Variants in FRY observed in about 807,000 individuals in gnomAD.
FRY encodes FRY microtubule binding protein, also known as protein furry homolog.
FRY carries 128 observed loss-of-function variants against 348.4 expected under a neutral mutation model. The ratio of observed to expected loss-of-function variants is 0.37; its 90% CI spans 0.32 to 0.43. The LOEUF is 0.43. Among genes scored for constraint, FRY ranks in the 20% least tolerant of loss-of-function variants. FRY has a pLI of 1.00. For missense variants in FRY, 2,736 were observed against 3,695.2 expected (o/e 0.74, Z 6.73); for synonymous variants, 1,370 against 1,374.7 (o/e 1.00, Z 0.08).
Position 32,171,258 on chromosome 13 carries a change from C to T in FRY, c.2139C>T (p.Ile713=). ...QGKVYEQANK[I]RNSELIANGS... ...AAGTCTATGAACAAGCCAACAAAAT[C>T]AGAAATTCAGAGGTGATTTTCACAC... Residue 713 remains isoleucine (I), a synonymous_variant, in exon 18 of 61, where the codon ATC becomes ATT. Transcript: ENST00000542859. 11 of 1,553,078 alleles carry T rather than the reference C, an allele frequency of 7.1e-6. No individual in the cohort carries two copies. Among genetic ancestry groups the T allele is most frequent in the Non-Finnish European group, 9.7e-6 (11 of 1,137,568 alleles).
intron 31 of FRY, among the ~76,000 whole-genome samples, chr13:32,203,922 C>A (rs904677509): frequency 3.3e-5 from 5 of 152,192 alleles, no homozygotes; most frequent in African/African-American, 4.8e-5. Flanking sequence ...GGCAGTCCAT[C>A]CACTATGCAA....
intron 28 of FRY, among the ~76,000 whole-genome samples, chr13:32,192,322 G>A (rs779608495): frequency 8.0e-5 from 12 of 149,320 alleles, no homozygotes; most frequent in Non-Finnish European, 1.2e-4. Flanking sequence ...TTTTTGAGAC[G>A]GAGTCTCGCT....
chr13:32,225,342 T>C (rs901912218), intron 38 of FRY, among the ~76,000 whole-genome samples: 30 of 152,298 alleles, frequency 2.0e-4, no homozygotes, highest in African/African-American at 6.7e-4. Flanking sequence ...TTTTAAGCTA[T>C]GAGGCATAGT....
intron 13 of FRY, among the ~76,000 whole-genome samples, chr13:32,149,516 C>A (rs939220296): frequency 2.0e-5 from 3 of 151,888 alleles, no homozygotes; most frequent in Non-Finnish European, 4.4e-5. Flanking sequence ...AGGCCAATTA[C>A]ATATTTTGTA....
At chr13:32,282,957 A>C (rs1340082705) in intron 58 of FRY, among the ~76,000 whole-genome samples, 1 of 152,152 alleles carries the variant, frequency 6.6e-6, no homozygotes, top group Non-Finnish European at 1.5e-5. Flanking sequence ...CCTGGACAAC[A>C]TGGTGAAATA....
intron 54 of FRY, among the ~76,000 whole-genome samples, chr13:32,266,759 G>A (rs1331413369): frequency 6.6e-6 from 1 of 152,172 alleles, no homozygotes; most frequent in Non-Finnish European, 1.5e-5. Context: ...CGAACTGGGT[G>A]GATCACTTGA....
At chr13:32,031,987 T>C in intron 1 of FRY, 122 bp downstream of exon 1, 2 of 624,236 alleles carry the variant, frequency 3.2e-6, no homozygotes. Context: ...TTTTTTTCTT[T>C]TCTTTTCTTT....
chr13:32,197,286 A>G (rs1009032570), intron 29 of FRY, among the ~76,000 whole-genome samples: 5 of 152,218 alleles, frequency 3.3e-5, no homozygotes, highest in African/African-American at 1.2e-4. Flanking sequence ...AATTTAAGTC[A>G]GGCCTAGCAA....
chr13:32,078,839 C>T lies in FRY; in HGVS notation c.76C>T (p.Pro26Ser). Residue 26 changes from proline (P) to serine (S), a missense_variant, in exon 2 of 61, where the codon CCC becomes TCC. Physicochemically the swap from Pro to Ser is moderately conservative, Grantham distance 74. This residue lies in a region of FRY where 309 missense variants were observed against 418.1 expected (regional missense o/e 0.74). Transcript: ENST00000542859. ...ATGCCCATTCTGTTTTTCAGCTTCTCCCGTTGGCAACGGTTACATCAAGCC... is the reference window on the plus strand; with the variant it reads ...ATGCCCATTCTGTTTTTCAGCTTCTTCCGTTGGCAACGGTTACATCAAGCC... ...YLLKSWSNTS[P>S]VGNGYIKPPV... is the part of the protein sequence containing the mutation. The T allele has an allele frequency of 6.2e-7, 1 of 1,613,644 alleles. No individual in the cohort carries two copies.
rs180684467 is a variant in FRY, at chr13:32,050,862, C to T, written c.70+18997C>T. On this transcript the variant is annotated intron_variant, in intron 1 of 60. Coordinates refer to ENST00000542859, the MANE Select transcript of FRY (RefSeq NM_023037.3). ...ATGAAACAACAGGTTGTAAACCTTA[C>T]ACCTGTACTATCTTGTGCACTCTCA... Among the ~76,000 whole-genome samples the T allele has an allele frequency of 1.9e-4, 29 of 152,330 alleles. No homozygotes were observed. In the East Asian group the frequency reaches 5.6e-3, roughly 29 times the overall value.
intron 1 of FRY, among the ~76,000 whole-genome samples, chr13:32,068,581 A>T (rs191606015): frequency 6.6e-6 from 1 of 152,252 alleles, no homozygotes; most frequent in African/African-American, 2.4e-5. Context: ...TGTTACTGTC[A>T]TATCTCTCAG....
Position 32,251,926 on chromosome 13 carries a change from G to A in FRY, c.7219G>A (p.Glu2407Lys). 1 of 1,612,732 alleles carries A rather than the reference G, an allele frequency of 6.2e-7. No individual in the cohort carries two copies. Among genetic ancestry groups the A allele is most frequent in the Non-Finnish European group, 8.5e-7 (1 of 1,178,736 alleles). ...ACATGTCCTTTCTCTGTGTGGCCAA[G>A]AAGTAGGATTGAGCAAAAATCCATC... ...LVHVLSLCGQ[E>K]VGLSKNPSVI... The change falls in exon 50 of 61, where the codon GAA becomes AAA. Residue 2407 changes from glutamate to lysine, a missense_variant. Around this residue, in one of 9 missense-constraint regions of FRY, gnomAD observed 789 missense variants for 996.2 expected, o/e 0.79. Transcript: ENST00000542859.
At chr13:32,055,316 T>G (rs1873562049) in intron 1 of FRY, among the ~76,000 whole-genome samples, 1 of 152,168 alleles carries the variant, frequency 6.6e-6, no homozygotes. Flanking sequence ...GTGGTGGGAT[T>G]GCAGGAATGA....
intron 3 of FRY, among the ~76,000 whole-genome samples, chr13:32,109,773 G>A (rs994180509): frequency 5.9e-5 from 9 of 152,208 alleles, no homozygotes; most frequent in Non-Finnish European, 8.8e-5. Context: ...AGTTTTCAGG[G>A]AAGGTGAAAT....
At chr13:32,038,383 T>C (rs1450642171) in intron 1 of FRY, 1 of 152,230 alleles carries the variant, frequency 6.6e-6, no homozygotes, top group African/African-American at 2.4e-5. Flanking sequence ...CTAGAATTTC[T>C]CTTAGTCCTC....
At chr13:32,113,840 G>A (rs531172188) in intron 3 of FRY, among the ~76,000 whole-genome samples, 66 of 152,274 alleles carry the variant, frequency 4.3e-4, no homozygotes, top group African/African-American at 1.5e-3. Flanking sequence ...GGGCTCAGAA[G>A]GGCAGTAACA....
intron 2 of FRY, among the ~76,000 whole-genome samples, chr13:32,092,815 T>G (rs1305978322): frequency 6.6e-6 from 1 of 152,118 alleles, no homozygotes; most frequent in Non-Finnish European, 1.5e-5. Flanking sequence ...TGGGGAGAAA[T>G]GAACAGTGGT....
intron 1 of FRY, among the ~76,000 whole-genome samples, chr13:32,041,319 A>T (rs2138363039): frequency 9.6e-6 from 1 of 104,028 alleles, no homozygotes; most frequent in East Asian, 3.0e-4. Context: ...TTTGAGACAG[A>T]GTCTAGCTTT....
intron 58 of FRY, among the ~76,000 whole-genome samples, chr13:32,286,602 TG>T (rs1321668139): frequency 1.3e-5 from 2 of 151,486 alleles, no homozygotes; most frequent in African/African-American, 4.9e-5. Flanking sequence ...AAGCATTAGC[TG>T]GGCATGGTGG....
Sources: gnomAD v4.1 joint callset for allele counts (sites outside exome capture counted in the v4.1 genomes callset) on GRCh38, gnomAD v4.1.1 for gene constraint, gnomAD v4.1.1 regional missense constraint, MANE v1.5 for transcripts, NCBI Gene and HGNC (gene_info 2026-07-23, HGNC 2026-07-21) for gene names.